Variants in MACROD2 observed in about 807,000 individuals in gnomAD.
The protein encoded by MACROD2 is ADP-ribose glycohydrolase MACROD2.
MACROD2 carries 36 observed loss-of-function variants against 70.4 expected under a neutral mutation model. The ratio of observed to expected loss-of-function variants is 0.51; its 90% CI spans 0.39 to 0.68. MACROD2 has a LOEUF of 0.68. Ranked by LOEUF, MACROD2 falls within the 30% of genes least tolerant of loss-of-function variation. The pLI is 0.00. For missense variants in MACROD2, 496 were observed against 538.4 expected (o/e 0.92, Z 0.78); for synonymous variants, 172 against 178.8 (o/e 0.96, Z 0.30).
intron 8 of MACROD2, among the ~76,000 whole-genome samples, chr20:15,630,921 TTA>T (rs1404991666): frequency 1.3e-5 from 2 of 152,188 alleles, no homozygotes; most frequent in East Asian, 3.9e-4. Flanking sequence ...CAACAGAACT[TTA>T]AGTTTACCCC....
At chr20:15,494,912 T>C (rs1274905309) in intron 7 of MACROD2, among the ~76,000 whole-genome samples, 6 of 152,228 alleles carry the variant, frequency 3.9e-5, no homozygotes, top group Non-Finnish European at 7.3e-5. Context: ...TCTATGCTAA[T>C]GAGTAGAAAA....
chr20:15,895,650 G>A (rs2064960131), intron 10 of MACROD2, among the ~76,000 whole-genome samples: 1 of 152,190 alleles, frequency 6.6e-6, no homozygotes, highest in Admixed American at 6.5e-5. Context: ...GGTGGCGGCA[G>A]CCTGGGCAGG....
chr20:14,815,087 G>A (rs2072758846), intron 5 of MACROD2, among the ~76,000 whole-genome samples: 1 of 151,944 alleles, frequency 6.6e-6, no homozygotes. Flanking sequence ...GGGGCCTCAA[G>A]GTGAGAGAGG....
At chr20:15,232,486 A>G (rs2076967629) in intron 6 of MACROD2, among the ~76,000 whole-genome samples, 1 of 152,050 alleles carries the variant, frequency 6.6e-6, no homozygotes, top group Non-Finnish European at 1.5e-5. Context: ...TTCCACTTAT[A>G]AAGAATCAGT....
At chr20:15,941,184 T>C (rs1029892683) in intron 12 of MACROD2, among the ~76,000 whole-genome samples, 1 of 152,218 alleles carries the variant, frequency 6.6e-6, no homozygotes, top group Non-Finnish European at 1.5e-5. Flanking sequence ...AGTTCTGTCA[T>C]GTATCACAAA....
chr20:15,486,381 A>T (rs2047163706), intron 7 of MACROD2, among the ~76,000 whole-genome samples: 1 of 152,210 alleles, frequency 6.6e-6, no homozygotes, highest in Admixed American at 6.5e-5. Flanking sequence ...TTCTCTCCTT[A>T]CTAAGCAAAT....
intron 8 of MACROD2, among the ~76,000 whole-genome samples, chr20:15,855,706 T>A (rs1322396208): frequency 6.6e-6 from 1 of 152,174 alleles, no homozygotes; most frequent in East Asian, 1.9e-4. Context: ...ATTGTTACAT[T>A]AACTTCTAAC....
At chr20:14,336,103 T>G (rs1185607938) in intron 3 of MACROD2, among the ~76,000 whole-genome samples, 1 of 152,146 alleles carries the variant, frequency 6.6e-6, no homozygotes, top group Non-Finnish European at 1.5e-5. Context: ...AATTTATTCT[T>G]TATGTTTAGG....
chr20:14,274,624 A>G (rs1331398100), intron 3 of MACROD2, among the ~76,000 whole-genome samples: 2 of 152,142 alleles, frequency 1.3e-5, no homozygotes, highest in Non-Finnish European at 2.9e-5. Context: ...CCTATTCAAC[A>G]TAGTGTTGGA....
chr20:14,409,282 C>G (rs1311751070), intron 3 of MACROD2, among the ~76,000 whole-genome samples: 1 of 151,666 alleles, frequency 6.6e-6, no homozygotes, highest in Non-Finnish European at 1.5e-5. Flanking sequence ...TGTGACCTTG[C>G]ATTCAGCTTT....
intron 2 of MACROD2, among the ~76,000 whole-genome samples, chr20:14,066,969 G>A (rs1399168856): frequency 1.3e-5 from 2 of 151,028 alleles, no homozygotes; most frequent in East Asian, 3.9e-4. Flanking sequence ...CCACCACCAC[G>A]CCCGGCTAAG....
intron 5 of MACROD2, among the ~76,000 whole-genome samples, chr20:14,828,828 A>C (rs2072930064): frequency 6.6e-6 from 1 of 152,010 alleles, no homozygotes; most frequent in Non-Finnish European, 1.5e-5. Flanking sequence ...GGCACATCTT[A>C]AGTCAGATAA....
intron 3 of MACROD2, among the ~76,000 whole-genome samples, chr20:14,395,303 T>C (rs2083569524): frequency 6.6e-6 from 1 of 152,114 alleles, no homozygotes; most frequent in South Asian, 2.1e-4. Context: ...GCTATTTGTA[T>C]TTTTTGAGCA....
At chr20:14,470,420 G>A (rs1467133545) in intron 3 of MACROD2, among the ~76,000 whole-genome samples, 1 of 152,138 alleles carries the variant, frequency 6.6e-6, no homozygotes, top group African/African-American at 2.4e-5. Flanking sequence ...GACTCACTTG[G>A]GGAGGCAGTC....
chr20:15,777,340 T>C (rs1375033039), intron 8 of MACROD2, among the ~76,000 whole-genome samples: 1 of 152,104 alleles, frequency 6.6e-6, no homozygotes, highest in Non-Finnish European at 1.5e-5. Flanking sequence ...AAGATTATAC[T>C]TAAAGAGAAA....
At chr20:14,090,654 C>CT (rs1158502127) in intron 3 of MACROD2, among the ~76,000 whole-genome samples, 1 of 151,830 alleles carries the variant, frequency 6.6e-6, no homozygotes. Flanking sequence ...TTTTCCATCT[C>CT]TAAGGTTTTA....
At chr20:14,305,741 A>G (rs2082514683) in intron 3 of MACROD2, among the ~76,000 whole-genome samples, 1 of 152,148 alleles carries the variant, frequency 6.6e-6, no homozygotes, top group Non-Finnish European at 1.5e-5. Context: ...ATTCTTTAAC[A>G]TTCTAGTCCC....
At chr20:14,389,648 A>G (rs368123204) in intron 3 of MACROD2, among the ~76,000 whole-genome samples, 1 of 152,224 alleles carries the variant, frequency 6.6e-6, no homozygotes, top group East Asian at 1.9e-4. Context: ...GGTACAGTGT[A>G]CACTACAGTT....
intron 4 of MACROD2, among the ~76,000 whole-genome samples, chr20:14,625,971 C>T (rs1156438094): frequency 2.0e-5 from 3 of 152,108 alleles, no homozygotes; most frequent in African/African-American, 7.2e-5. Context: ...TACAGGCATG[C>T]ACCATGATGC....
Sources: allele counts gnomAD v4.1 joint callset (sites outside exome capture counted in the v4.1 genomes callset), GRCh38; gene constraint gnomAD v4.1.1; transcripts MANE v1.5; gene names NCBI Gene and HGNC (gene_info 2026-07-23, HGNC 2026-07-21).